The following ARHGAP24 variants were observed in gnomAD, a reference collection of about 807,000 sequenced individuals.
The protein encoded by ARHGAP24 is Rho GTPase activating protein 24.
A neutral mutation model predicts 76.4 loss-of-function variants in ARHGAP24; 50 were observed. The observed-to-expected ratio is 0.65, with a 90% CI of 0.52 to 0.83. The LOEUF is 0.83. Among genes scored for constraint, ARHGAP24 ranks in the 40% least tolerant of loss-of-function variants. The pLI is 0.00. For synonymous variants in ARHGAP24, 345 were observed against 323.3 expected, an observed-to-expected ratio of 1.07 and a Z score of -0.72; for missense variants, 930 against 914.2, an observed-to-expected ratio of 1.02 and a Z score of -0.22.
chr4:85,504,325 T>C (rs994371862), intron 1 of ARHGAP24, among the ~76,000 whole-genome samples: 1 of 152,170 alleles, frequency 6.6e-6, no homozygotes, highest in African/African-American at 2.4e-5. Flanking sequence ...GGTGTTAAAG[T>C]CTCCCATTAT....
chr4:85,858,361 G>T (rs1485049534), intron 3 of ARHGAP24, among the ~76,000 whole-genome samples: 1 of 152,088 alleles, frequency 6.6e-6, no homozygotes, highest in African/African-American at 2.4e-5. Flanking sequence ...AAACAATTTT[G>T]TTGTACATAG....
At chr4:85,495,789 C>T (rs1723556208) in intron 1 of ARHGAP24, among the ~76,000 whole-genome samples, 1 of 152,166 alleles carries the variant, frequency 6.6e-6, no homozygotes, top group Admixed American at 6.5e-5. Context: ...TTTTCTGATG[C>T]CTACATAGAA....
intron 2 of ARHGAP24, among the ~76,000 whole-genome samples, chr4:85,593,152 C>T (rs981002491): frequency 6.6e-6 from 1 of 152,028 alleles, no homozygotes; most frequent in Non-Finnish European, 1.5e-5. Flanking sequence ...GCCAATTTAA[C>T]TGGTGAGATG....
At chr4:85,757,474 T>G (rs1359703792) in intron 3 of ARHGAP24, among the ~76,000 whole-genome samples, 1 of 152,174 alleles carries the variant, frequency 6.6e-6, no homozygotes, top group East Asian at 1.9e-4. Context: ...GTGTTTGGTT[T>G]TCTTTCCTTG....
intron 1 of ARHGAP24, among the ~76,000 whole-genome samples, chr4:85,557,873 G>A (rs1254820216): frequency 1.3e-5 from 2 of 152,108 alleles, no homozygotes; most frequent in Admixed American, 6.5e-5. Flanking sequence ...CTTTAATGAA[G>A]TGTACATTAT....
At chr4:85,670,911 TA>T (rs1722794570) in intron 2 of ARHGAP24, among the ~76,000 whole-genome samples, 1 of 152,104 alleles carries the variant, frequency 6.6e-6, no homozygotes, top group African/African-American at 2.4e-5. Flanking sequence ...AAAATGTACA[TA>T]AAAGTCTTTA....
intron 5 of ARHGAP24, among the ~76,000 whole-genome samples, chr4:85,953,054 T>C (rs992116505): frequency 6.6e-6 from 1 of 152,152 alleles, no homozygotes; most frequent in Non-Finnish European, 1.5e-5. Context: ...TTTGGAAGCG[T>C]TGGGAAGGTA....
chr4:85,833,963 T>A (rs1204407786), intron 3 of ARHGAP24, among the ~76,000 whole-genome samples: 2 of 152,236 alleles, frequency 1.3e-5, no homozygotes, highest in South Asian at 4.1e-4. Context: ...TTATTTAACT[T>A]TTGTGAAGCT....
chr4:85,828,443 T>C (rs1729825962), intron 3 of ARHGAP24, among the ~76,000 whole-genome samples: 2 of 152,054 alleles, frequency 1.3e-5, no homozygotes. Flanking sequence ...ACAAAAGCAG[T>C]GGGAGTTTTT....
chr4:85,683,788 A>C (rs72656226), intron 2 of ARHGAP24, among the ~76,000 whole-genome samples: 1 of 151,990 alleles, frequency 6.6e-6, no homozygotes, highest in Non-Finnish European at 1.5e-5. Context: ...CCTGGCAACC[A>C]TCTCTCTACC....
At chr4:85,805,393 T>C (rs1387149532) in intron 3 of ARHGAP24, among the ~76,000 whole-genome samples, 1 of 152,190 alleles carries the variant, frequency 6.6e-6, no homozygotes, top group East Asian at 1.9e-4. Context: ...GCCGCTTTGA[T>C]AAATTTACCG....
intron 4 of ARHGAP24, among the ~76,000 whole-genome samples, chr4:85,931,788 A>G (rs1409390546): frequency 6.6e-6 from 1 of 152,210 alleles, no homozygotes. Context: ...ATTTATAAAT[A>G]TCTTTTTGCT....
Position 85,977,605 on chromosome 4 carries a change from A to G in ARHGAP24, c.842A>G (p.Asn281Ser). Reference protein sequence around the residue: ...LDEVQSYSGVNKMSVQNLATV... With the variant: ...LDEVQSYSGVSKMSVQNLATV... The stretch of plus-strand genomic sequence containing the variant: ...GAAGTACAGTCCTACTCGGGAGTTA[A>G]CAAAATGAGTGTGCAGAACTTGGCA... Residue 281 changes from asparagine to serine, a missense_variant, in exon 8 of 10, where the codon AAC becomes AGC. By Grantham distance (46) the Asn-to-Ser change is conservative. Coordinates refer to ENST00000395184, the MANE Select transcript of ARHGAP24 (RefSeq NM_001025616.3). 1 of 1,613,962 alleles carries G rather than the reference A, an allele frequency of 6.2e-7. No homozygotes were observed. The highest frequency in any genetic ancestry group is 8.5e-7 in the Non-Finnish European group (1 of 1,179,846).
At chr4:85,516,013 G>A (rs992196955) in intron 1 of ARHGAP24, among the ~76,000 whole-genome samples, 12 of 152,190 alleles carry the variant, frequency 7.9e-5, no homozygotes, top group African/African-American at 2.9e-4. Flanking sequence ...TTTATTACAA[G>A]GCTGATGAGA....
intron 1 of ARHGAP24, among the ~76,000 whole-genome samples, chr4:85,502,681 T>G (rs1466860637): frequency 6.6e-6 from 1 of 152,192 alleles, no homozygotes; most frequent in Non-Finnish European, 1.5e-5. Flanking sequence ...ACAATTTGAC[T>G]TCCTCTTTTC....
At chr4:85,608,785 C>G (rs1720291091) in intron 2 of ARHGAP24, among the ~76,000 whole-genome samples, 1 of 152,046 alleles carries the variant, frequency 6.6e-6, no homozygotes, top group South Asian at 2.1e-4. Flanking sequence ...GTCTCGAACT[C>G]CTGACCTCAG....
At chr4:85,942,542 C>T in intron 5 of ARHGAP24, 1 of 367,288 alleles carries the variant, frequency 2.7e-6, no homozygotes, top group Middle Eastern at 7.7e-4. Context: ...TAAACTTTTG[C>T]ACTGGAAAAA....
At chr4:85,895,558 T>A (rs1174569704) in intron 3 of ARHGAP24, among the ~76,000 whole-genome samples, 1 of 152,182 alleles carries the variant, frequency 6.6e-6, no homozygotes, top group Non-Finnish European at 1.5e-5. Context: ...GGGGGAAAAT[T>A]TCTATTTTTT....
intron 3 of ARHGAP24, among the ~76,000 whole-genome samples, chr4:85,874,821 A>C (rs1267516247): frequency 1.9e-5 from 1 of 52,660 alleles, no homozygotes; most frequent in Non-Finnish European, 3.0e-5. Context: ...TTTATATATA[A>C]TTTATATATA....
Sources: gnomAD v4.1 joint callset for allele counts (sites outside exome capture counted in the v4.1 genomes callset) on GRCh38, gnomAD v4.1.1 for gene constraint, MANE v1.5 for transcripts, NCBI Gene and HGNC (gene_info 2026-07-23, HGNC 2026-07-21) for gene names.